Variants in WDR33 observed in about 807,000 individuals in gnomAD.
WDR33 encodes the protein WD repeat domain 33.
In WDR33, 47 loss-of-function variants were observed where a neutral mutation model predicts 164.9. The ratio of observed to expected loss-of-function variants is 0.29; its 90% CI spans 0.23 to 0.36. WDR33 has a LOEUF of 0.36. WDR33 is among the 10% of genes least tolerant of loss of function. WDR33 has a pLI of 1.00. For synonymous variants in WDR33, 505 were observed against 589.0 expected (o/e 0.86, Z 2.06); for missense variants, 1,137 against 1,754.1 (o/e 0.65, Z 6.28).
rs956537803 is a variant in WDR33 at position 127,789,910 on chromosome 2, A to G, written c.-23-18906T>C. On this transcript the variant is annotated intron_variant, in intron 1 of 21. Coordinates refer to ENST00000322313, the MANE Select transcript of WDR33 (RefSeq NM_018383.5). ...GAGTGCAGTGGTGTGATCTCGGCTC[A>G]CTGCAGCCTCCGCCTCCCAGGCTCA... Among the ~76,000 whole-genome samples the G allele has an allele frequency of 1.2e-3, 174 of 151,076 alleles. 2 individuals are homozygous for G. Among genetic ancestry groups the G allele is most frequent in the East Asian group, 5.1e-3 (26 of 5,096 alleles).
intron 1 of WDR33, among the ~76,000 whole-genome samples, chr2:127,794,923 C>A (rs77852809): frequency 0.038 from 5,757 of 151,142 alleles, 285 homozygotes; most frequent in South Asian, 0.17. Context: ...TACTGGGAGG[C>A]TGAGGCGGGA....
rs757786255 is a variant in WDR33 at position 127,706,591 on chromosome 2, A to G, written c.3782-39T>C. The G allele has an allele frequency of 3.2e-6, 5 of 1,562,446 alleles. No homozygotes were observed. The highest frequency in any genetic ancestry group is 4.3e-6 in the Non-Finnish European group (5 of 1,149,870). ...AATTTCACATGGGACTTTTTGTATT[A>G]GCAACTGTTTGTCAGTAACTCCCAG... On this transcript the variant is annotated intron_variant, in intron 21 of 21. Coordinates refer to ENST00000322313, the MANE Select transcript of WDR33 (RefSeq NM_018383.5). This position sits in a 1 kb window ranked among gnomAD's most constrained non-coding sequence, Gnocchi z 5.1.
In WDR33 at chr2:127,701,733, C is replaced by T. The variant is rs1255619976; in HGVS notation, c.*4590G>A. 1.4e-6 allele frequency: 2 copies of T among 1,402,248 alleles called. No homozygotes were observed. The highest frequency in any genetic ancestry group is 9.3e-7 in the Non-Finnish European group (1 of 1,077,820). 86.9% of individuals were successfully genotyped at this position (1,402,248 alleles called of 1,614,324 possible). ...GGCAGCGGCCGGCCTGACGTGCCTC[C>T]CGAGCGTGACGCGCGGGCAGCGGCT... On this transcript the variant is annotated 3_prime_UTR_variant, in exon 22 of 22. Coordinates refer to ENST00000322313, the MANE Select transcript of WDR33 (RefSeq NM_018383.5).
intron 1 of WDR33, among the ~76,000 whole-genome samples, chr2:127,797,512 C>T (rs1335573276): frequency 1.3e-5 from 2 of 151,966 alleles, no homozygotes; most frequent in Non-Finnish European, 2.9e-5. Flanking sequence ...AGATATTAAG[C>T]CAAAAAACCC....
chr2:127,747,840 G>A (rs1687210395), intron 7 of WDR33, among the ~76,000 whole-genome samples: 1 of 152,170 alleles, frequency 6.6e-6, no homozygotes, highest in African/African-American at 2.4e-5. Context: ...AGCAGCCCCT[G>A]ACCTCTGAGA....
Position 127,763,954 on chromosome 2 carries a change from T to G in WDR33, c.627-795A>C. ...GCAGAAGCATGTTCATCCAACAATT[T>G]CTGTTAAGATTCTGAAAGTATGAAC... On this transcript the variant is annotated intron_variant, in intron 6 of 21. Transcript: ENST00000322313. The surrounding 1 kb of genome is among the most constrained non-coding windows in gnomAD (Gnocchi z 4.5). 2.0e-6 allele frequency: 2 copies of G among 985,780 alleles called. No homozygotes were observed. The highest frequency in any genetic ancestry group is 2.4e-6 in the Non-Finnish European group (2 of 830,206). 61.1% of individuals were successfully genotyped at this position (985,780 alleles called of 1,614,324 possible).
intron 7 of WDR33, among the ~76,000 whole-genome samples, chr2:127,749,334 T>C (rs939572877): frequency 1.3e-4 from 20 of 151,720 alleles, no homozygotes; most frequent in African/African-American, 3.6e-4. Context: ...ACGGTCTCAA[T>C]AAAACAAAAC....
At position 127,724,309 on chromosome 2, in the gene WDR33, T is replaced by C. The variant is rs750678022; in HGVS notation, c.1196+24A>G. The C allele has an allele frequency of 1.0e-5, 16 of 1,577,800 alleles. No homozygotes were observed. The highest frequency in any genetic ancestry group is 1.3e-5 in the Non-Finnish European group (15 of 1,147,856). ...ATTTCCTGTTGCTCCATATAAAGCT[T>C]TGCTATTTCAATATAAAGCTTACCT... On this transcript the variant is annotated intron_variant, in intron 11 of 21. Transcript: ENST00000322313. The surrounding 1 kb of genome is among the most constrained non-coding windows in gnomAD (Gnocchi z 4.8).
At chr2:127,766,443 C>G (rs1687823772) in intron 4 of WDR33, among the ~76,000 whole-genome samples, 1 of 152,128 alleles carries the variant, frequency 6.6e-6, no homozygotes, top group Non-Finnish European at 1.5e-5. Flanking sequence ...TTTCTGTTAT[C>G]TGGTATGGAT....
Position 127,719,173 on chromosome 2 carries a change from C to T in WDR33, c.2760+92G>A. 4 of 1,303,280 alleles carry T rather than the reference C, an allele frequency of 3.1e-6. No individual in the cohort carries two copies. The highest frequency in any genetic ancestry group is 3.9e-6 in the Non-Finnish European group (4 of 1,020,454). The allele number at this position is 1,303,280 out of a possible 1,614,324, so 80.7% of individuals were successfully genotyped here. A position where few individuals can be genotyped will look rare whatever the true frequency, so the allele number is the denominator to read the frequency against. ...TCACTACTTGATAAGTATTTATATC[C>T]AGCTGTGACCATTTTCCACAATACT... On this transcript the variant is annotated intron_variant, in intron 16 of 21. Transcript: ENST00000322313. The surrounding 1 kb of genome is among the most constrained non-coding windows in gnomAD (Gnocchi z 6.5).
At position 127,722,127 on chromosome 2, in the gene WDR33, T is replaced by A; in HGVS notation, c.1519-139A>T. ...TTTCTTTTTACCTTTTCTCCATGAC[T>A]CAAGTACATGACTCATGCTAATTCT... On this transcript the variant is annotated intron_variant, in intron 14 of 21. Transcript: ENST00000322313. This position sits in a 1 kb window ranked among gnomAD's most constrained non-coding sequence, Gnocchi z 5.1. 1.0e-6 allele frequency: 1 copy of A among 976,420 alleles called. No homozygotes were observed. The highest frequency in any genetic ancestry group is 1.5e-6 in the Non-Finnish European group (1 of 676,238). The allele number at this position is 976,420 out of a possible 1,614,324, so 60.5% of individuals were successfully genotyped here. A position where few individuals can be genotyped will look rare whatever the true frequency, so the allele number is the denominator to read the frequency against.
At chr2:127,755,637 A>C (rs1235613152) in intron 7 of WDR33, among the ~76,000 whole-genome samples, 1 of 152,160 alleles carries the variant, frequency 6.6e-6, no homozygotes, top group Non-Finnish European at 1.5e-5. Flanking sequence ...TTTTTTAGAA[A>C]TTTGTGTGTG....
At chr2:127,787,444 G>GCGCCCCT (rs1688623725) in intron 1 of WDR33, among the ~76,000 whole-genome samples, 1 of 135,940 alleles carries the variant, frequency 7.4e-6, no homozygotes, top group Non-Finnish European at 1.6e-5. Context: ...CCGGGCAGAG[G>GCGCCCCT]CGCCCCTCAC....
Position 127,705,766 on chromosome 2 carries a change from T to C in WDR33, c.*557A>G, listed in dbSNP as rs1685994290. On this transcript the variant is annotated 3_prime_UTR_variant, in exon 22 of 22. Transcript: ENST00000322313. The surrounding 1 kb of genome is among the most constrained non-coding windows in gnomAD (Gnocchi z 4.5). ...CACAAAAATGGTGTGACAGAATGTGTTGAAAAACACAAAGTTCACAGCTGA... is the reference window on the plus strand; with the variant it reads ...CACAAAAATGGTGTGACAGAATGTGCTGAAAAACACAAAGTTCACAGCTGA... 1 of 152,364 alleles carries C rather than the reference T, an allele frequency of 6.6e-6. No individual in the cohort carries two copies. Among genetic ancestry groups the C allele is most frequent in the Non-Finnish European group, 1.5e-5 (1 of 68,130 alleles). The allele number at this position is 152,364 out of a possible 1,614,324, so 9.4% of individuals were successfully genotyped here.
chr2:127,805,649 C>T (rs1422061911), intron 1 of WDR33, among the ~76,000 whole-genome samples: 5 of 152,016 alleles, frequency 3.3e-5, no homozygotes, highest in African/African-American at 1.2e-4. Context: ...CCCTTTGAAA[C>T]TGCCCAAAAA....
At position 127,704,926 on chromosome 2, in the gene WDR33, A is replaced by C. The variant is rs1241662532; in HGVS notation, c.*1397T>G. Reference sequence around the variant, plus strand: ...AAAGTGGTGAAACTCCATCTCTACAAAAAACACACACACAAAAAATTAGCT... The same window carrying C: ...AAAGTGGTGAAACTCCATCTCTACACAAAACACACACACAAAAAATTAGCT... On this transcript the variant is annotated 3_prime_UTR_variant, in exon 22 of 22. Coordinates refer to ENST00000322313, the MANE Select transcript of WDR33 (RefSeq NM_018383.5). 1.3e-5 allele frequency: 2 copies of C among 158,398 alleles called. No homozygotes were observed. Among genetic ancestry groups the C allele is most frequent in the Non-Finnish European group, 2.9e-5 (2 of 68,102 alleles). The allele number at this position is 158,398 out of a possible 1,614,324, so 9.8% of individuals were successfully genotyped here.
At position 127,706,770 on chromosome 2, in the gene WDR33, G is replaced by A. The variant is rs1347596206; in HGVS notation, c.3782-218C>T. 6.6e-6 allele frequency among the ~76,000 whole-genome samples: 1 copy of A among 152,224 alleles called. No homozygotes were observed. Among genetic ancestry groups the A allele is most frequent in the African/African-American group, 2.4e-5 (1 of 41,456 alleles). The stretch of plus-strand genomic sequence containing the variant: ...TGGCCATGGGCCTCAGCATCAGCCA[G>A]ATCCATGCCCCCAGGGCTGTGTGAC... On this transcript the variant is annotated intron_variant, in intron 21 of 21. Transcript: ENST00000322313. The surrounding 1 kb of genome is among the most constrained non-coding windows in gnomAD (Gnocchi z 5.1).
chr2:127,719,426 C>T lies in WDR33; in HGVS notation c.2599G>A (p.Gly867Ser). 1 of 1,557,168 alleles carries T rather than the reference C, an allele frequency of 6.4e-7. No individual in the cohort carries two copies. Among genetic ancestry groups the T allele is most frequent in the Non-Finnish European group, 8.7e-7 (1 of 1,151,994 alleles). ...GSQSQQGPPQ[G>S]SLGPPPQGGM... The stretch of plus-strand genomic sequence containing the variant: ...CCCTGGGGTGGAGGTCCTAAAGAGC[C>T]CTGGGGCGGCCCCTGCTGACTTTGT... Residue 867 changes from glycine (G) to serine (S), a missense_variant, in exon 16 of 22, where the codon GGC (glycine) becomes AGC (serine). Physicochemically the swap from Gly to Ser is moderately conservative, Grantham distance 56. Coordinates refer to ENST00000322313, the MANE Select transcript of WDR33 (RefSeq NM_018383.5). The surrounding 1 kb of genome is among the most constrained non-coding windows in gnomAD (Gnocchi z 6.5).
chr2:127,739,906 G>GA (rs1340068105), intron 7 of WDR33, among the ~76,000 whole-genome samples: 1 of 152,068 alleles, frequency 6.6e-6, no homozygotes, highest in Non-Finnish European at 1.5e-5. Flanking sequence ...AATGACTCCA[G>GA]AAAAAATAAC....
Sources: allele counts gnomAD v4.1 joint callset (sites outside exome capture counted in the v4.1 genomes callset), GRCh38; gene constraint gnomAD v4.1.1; non-coding constraint Gnocchi (gnomAD v3.1); transcripts MANE v1.5; gene names NCBI Gene and HGNC (gene_info 2026-07-23, HGNC 2026-07-21).